GRIA3: variants seen among roughly 807,000 people sequenced by gnomAD.
GRIA3 encodes the protein glutamate receptor 3.
In GRIA3, 3 loss-of-function variants were observed where a neutral mutation model predicts 63.0. That is an observed-to-expected ratio of 0.05 (90% CI 0.02 to 0.12). GRIA3 has a LOEUF of 0.12. Among genes scored for constraint, GRIA3 ranks in the 10% least tolerant of loss-of-function variants. The pLI is 1.00. For missense variants in GRIA3, 347 were observed against 700.9 expected, an observed-to-expected ratio of 0.50 and a Z score of 5.70; for synonymous variants, 274 against 257.9, an observed-to-expected ratio of 1.06 and a Z score of -0.60.
rs753347543 is a variant in GRIA3 at position 123,326,133 on chromosome X, A to T, written c.616A>T (p.Ile206Phe). ...GGACGTCCAAGAATTCAGGCGCATC[A>T]TTGAAGAAATGGACAGGAGGCAGGA... ...IKDVQEFRRI[I>F]EEMDRRQEKR... Residue 206 changes from isoleucine (I) to phenylalanine (F), a missense_variant, in exon 4 of 16, where the codon ATT (isoleucine) becomes TTT (phenylalanine). Transcript: ENST00000620443. 8.3e-7 allele frequency: 1 copy of T among 1,208,540 alleles called. No individual in the cohort carries two copies. The highest frequency in any genetic ancestry group is 1.8e-5 in the South Asian group (1 of 56,915).
chrX:123,217,520 C>T (rs1415385155), intron 2 of GRIA3, among the ~76,000 whole-genome samples: 1 of 111,814 alleles, frequency 8.9e-6, no homozygotes, highest in Admixed American at 9.4e-5. Flanking sequence ...GCAGGTTACC[C>T]CTTTCCCCAA....
rs779852214 is a variant in GRIA3 at position 123,486,111 on chromosome X, GA to G, written c.*3-2598del. Among the ~76,000 whole-genome samples, 12 of 85,080 alleles carry G rather than the reference GA, an allele frequency of 1.4e-4. No homozygotes were observed. The East Asian group carries it at 4.0e-3, about 28-fold the overall frequency. 73.9% of individuals were successfully genotyped at this position (85,080 alleles called of 115,157 possible). The stretch of plus-strand genomic sequence containing the variant: ...TGGAGGCAGGGAGGCAGGGAGGGGG[GA>G]AAAGAAAGAAAGAGGGAAGGAAGGA... On this transcript the variant is annotated intron_variant, in intron 15 of 15. Transcript: ENST00000620443.
At position 123,297,714 on chromosome X, in the gene GRIA3, A is replaced by G. The variant is rs941153162; in HGVS notation, c.509-28312A>G. Reference sequence around the variant, plus strand: ...CTACTTACTAGCTGTGAGATCTTGGAAAATATTTTTTTTAACTTTTATTTT... The same window carrying G: ...CTACTTACTAGCTGTGAGATCTTGGGAAATATTTTTTTTAACTTTTATTTT... On this transcript the variant is annotated intron_variant, in intron 3 of 15. Transcript: ENST00000620443. 5.4e-5 allele frequency among the ~76,000 whole-genome samples: 6 copies of G among 111,191 alleles called. No individual in the cohort carries two copies. In the Admixed American group the frequency reaches 5.7e-4, roughly 11 times the overall value.
intron 3 of GRIA3, among the ~76,000 whole-genome samples, chrX:123,303,340 A>T (rs903532872): frequency 9.0e-6 from 1 of 111,017 alleles, no homozygotes; most frequent in African/African-American, 3.3e-5. Flanking sequence ...TCCGAAGAAC[A>T]TTTGTCACCT....
chrX:123,473,322 C>T (rs1312055095), intron 13 of GRIA3, among the ~76,000 whole-genome samples: 2 of 112,513 alleles, frequency 1.8e-5, no homozygotes, highest in African/African-American at 6.5e-5. Context: ...TAAATCCCTT[C>T]ATTATACATA....
chrX:123,394,913 GGTGA>G (rs1370033250), intron 5 of GRIA3, 51 bp from the exon 6 acceptor site: 2 of 862,584 alleles, frequency 2.3e-6, no homozygotes, highest in East Asian at 3.1e-5. Context: ...TAACAGATAT[GGTGA>G]GTAAGAACAT....
At chrX:123,388,226 A>G (rs1214774483) in intron 5 of GRIA3, among the ~76,000 whole-genome samples, 2 of 111,429 alleles carry the variant, frequency 1.8e-5, no homozygotes, top group Non-Finnish European at 3.8e-5. Flanking sequence ...CCAGTTGTTC[A>G]TAACAGTCTC....
At chrX:123,345,968 T>C (rs764780607) in intron 4 of GRIA3, among the ~76,000 whole-genome samples, 2 of 111,812 alleles carry the variant, frequency 1.8e-5, no homozygotes, top group Non-Finnish European at 3.8e-5. Flanking sequence ...AGGATAAGCA[T>C]TGGGCAATCT....
At position 123,398,427 on chromosome X, in the gene GRIA3, T is replaced by A. The variant is rs758537114; in HGVS notation, c.913-209T>A. Among the ~76,000 whole-genome samples, 18 of 111,799 alleles carry A rather than the reference T, an allele frequency of 1.6e-4. 1 individual carries two copies. Among genetic ancestry groups the A allele is most frequent in the African/African-American group, 5.2e-4 (16 of 30,822 alleles). ...AGAGAGATTGCCTTGAGCCATTTGA[T>A]TGTAATAATTGTAACACATGCACAC... is the stretch of plus-strand genomic sequence containing the variant. On this transcript the variant is annotated intron_variant, in intron 6 of 15. Coordinates refer to ENST00000620443, the MANE Select transcript of GRIA3 (RefSeq NM_007325.5).
At chrX:123,423,740 T>G (rs1363399379) in intron 11 of GRIA3, among the ~76,000 whole-genome samples, 1 of 112,232 alleles carries the variant, frequency 8.9e-6, no homozygotes, top group Non-Finnish European at 1.9e-5. Flanking sequence ...GAAGCAGTTT[T>G]CAGTCCCAGC....
chrX:123,338,051 C>A (rs1029471466), intron 4 of GRIA3, among the ~76,000 whole-genome samples: 8 of 111,853 alleles, frequency 7.2e-5, no homozygotes, highest in African/African-American at 2.6e-4. Context: ...CCATGGCAAC[C>A]GCCACCAAGC....
intron 2 of GRIA3, among the ~76,000 whole-genome samples, chrX:123,212,573 CAA>C (rs1329267885): frequency 3.6e-5 from 4 of 111,797 alleles, no homozygotes; most frequent in Non-Finnish European, 5.6e-5. Context: ...GTGTGAATGA[CAA>C]AGAGTTTGCT....
At chrX:123,380,697 GT>G (rs2045318947) in intron 5 of GRIA3, among the ~76,000 whole-genome samples, 1 of 112,022 alleles carries the variant, frequency 8.9e-6, no homozygotes, top group Non-Finnish European at 1.9e-5. Context: ...TGCTTTTGGT[GT>G]TTTAGACATG....
rs747257864 is a variant in GRIA3, at chrX:123,323,017, A to G, written c.509-3009A>G. On this transcript the variant is annotated intron_variant, in intron 3 of 15. Coordinates refer to ENST00000620443, the MANE Select transcript of GRIA3 (RefSeq NM_007325.5). The stretch of plus-strand genomic sequence containing the variant: ...GCAGCCTACAAAGGAGCTCTCATCT[A>G]TCATCTATGTCTTCCAGAAGCCTAT... 6.2e-5 allele frequency among the ~76,000 whole-genome samples: 7 copies of G among 112,556 alleles called. No homozygotes were observed. In the East Asian group the frequency reaches 1.9e-3, roughly 31 times the overall value.
At chrX:123,394,809 C>T (rs1034987587) in intron 5 of GRIA3, among the ~76,000 whole-genome samples, 159 bp from the exon 6 acceptor site, 3 of 112,152 alleles carry the variant, frequency 2.7e-5, no homozygotes, top group Admixed American at 1.9e-4. Flanking sequence ...GTTTCAGGGA[C>T]ATAGTGCCCT....
chrX:123,298,259 G>T (rs2044698640), intron 3 of GRIA3, among the ~76,000 whole-genome samples: 1 of 111,354 alleles, frequency 9.0e-6, no homozygotes, highest in Admixed American at 9.5e-5. Context: ...TAATGGGATT[G>T]TTGGGTCAAA....
chrX:123,446,865 AT>A (rs1160487004), intron 12 of GRIA3, among the ~76,000 whole-genome samples: 1 of 110,977 alleles, frequency 9.0e-6, no homozygotes, highest in Non-Finnish European at 1.9e-5. Flanking sequence ...GAACCACATA[AT>A]TTTTTTTAAG....
At chrX:123,303,371 T>C (rs1243119566) in intron 3 of GRIA3, among the ~76,000 whole-genome samples, 3 of 110,934 alleles carry the variant, frequency 2.7e-5, no homozygotes, top group African/African-American at 9.8e-5. Context: ...GACGGTGTGA[T>C]GTATACAGGA....
chrX:123,405,232 GTTGCCTAAGCAACT>G (rs2045466328), intron 10 of GRIA3, among the ~76,000 whole-genome samples: 1 of 111,852 alleles, frequency 8.9e-6, no homozygotes, highest in African/African-American at 3.3e-5. Flanking sequence ...CACCCACATA[GTTGCCTAAGCAACT>G]TTGCCTAAGC....
Sources: gnomAD v4.1 joint callset for allele counts (sites outside exome capture counted in the v4.1 genomes callset) on GRCh38, gnomAD v4.1.1 for gene constraint, MANE v1.5 for transcripts, NCBI Gene and HGNC (gene_info 2026-07-23, HGNC 2026-07-21) for gene names.